The following MYH15 variants were observed in gnomAD, a reference collection of about 807,000 sequenced individuals.
MYH15 encodes the protein myosin-15.
MYH15 carries 227 observed loss-of-function variants against 240.5 expected under a neutral mutation model. The ratio of observed to expected loss-of-function variants is 0.94; its 90% CI spans 0.85 to 1.05. The LOEUF (loss-of-function observed/expected upper bound fraction) is 1.05. Among genes scored for constraint, MYH15 ranks in the 50% least tolerant of loss-of-function variants. The pLI, the probability that MYH15 is intolerant of heterozygous loss-of-function variation, is 0.00. For missense variants in MYH15, 2,217 were observed against 2,247.5 expected, an observed-to-expected ratio of 0.99 and a Z score of 0.27; for synonymous variants, 785 against 796.7, an observed-to-expected ratio of 0.99 and a Z score of 0.25.
rs556209274 is a variant in MYH15, at chr3:108,417,982, A to C, written c.3830-1052T>G. Among the ~76,000 whole-genome samples, 3 of 152,350 alleles carry C rather than the reference A, an allele frequency of 2.0e-5. No homozygotes were observed. The South Asian group carries it at 6.2e-4, about 32-fold the overall frequency. ...TCCAAGAGTTGAGAGCCATCAACCT[A>C]ATGATGGCATATACATGTTTTCTAA... On this transcript the variant is annotated intron_variant, in intron 28 of 40. Coordinates refer to ENST00000693548, the MANE Select transcript of MYH15 (RefSeq NM_014981.3).
At chr3:108,545,155 T>C in the MYH15 span, among the ~76,000 whole-genome samples, 1 of 152,140 alleles carries the variant, frequency 6.6e-6, no homozygotes, top group Non-Finnish European at 1.5e-5. Context: ...AATTTACCAC[T>C]GCTTATAATT....
chr3:108,493,340 GA>G, intron 7 of MYH15, among the ~76,000 whole-genome samples, 163 bp from the exon 8 acceptor site: 1 of 151,850 alleles, frequency 6.6e-6, no homozygotes, highest in African/African-American at 2.4e-5. Context: ...GAAAAGAAGA[GA>G]AAAATGCAAT....
intron 1 of MYH15, among the ~76,000 whole-genome samples, chr3:108,521,559 A>G (rs2083617950): frequency 6.6e-6 from 1 of 152,196 alleles, no homozygotes; most frequent in East Asian, 1.9e-4. Context: ...GAAGCCTATT[A>G]CAACAGCATT....
At chr3:108,474,872 G>A (rs529490299) in intron 12 of MYH15, among the ~76,000 whole-genome samples, 5 of 152,204 alleles carry the variant, frequency 3.3e-5, no homozygotes, top group African/African-American at 9.6e-5. Context: ...GAGCACTTAC[G>A]GCTTACAGGG....
At position 108,430,858 on chromosome 3, in the gene MYH15, G is replaced by A; in HGVS notation, c.3286C>T (p.Leu1096Phe). 6.2e-7 allele frequency: 1 copy of A among 1,612,122 alleles called. No individual in the cohort carries two copies. Among genetic ancestry groups the A allele is most frequent in the Non-Finnish European group, 8.5e-7 (1 of 1,179,568 alleles). ...TGAAGCTCTTTAACCGTCTTCTGAAGCTGAGCTACCAGGCCTTTCTCATTC... is the reference window on the plus strand; with the variant it reads ...TGAAGCTCTTTAACCGTCTTCTGAAACTGAGCTACCAGGCCTTTCTCATTC... Reference protein sequence around the residue: ...VENEKGLVAQLQKTVKELQTQ... With the variant: ...VENEKGLVAQFQKTVKELQTQ... Residue 1096 changes from leucine to phenylalanine, a missense_variant, in exon 26 of 41, where the codon CTT becomes TTT. Leu to Phe is a conservative substitution (Grantham distance 22). Coordinates refer to ENST00000693548, the MANE Select transcript of MYH15 (RefSeq NM_014981.3).
chr3:108,458,800 A>T (rs2083046303), intron 18 of MYH15, among the ~76,000 whole-genome samples: 1 of 152,000 alleles, frequency 6.6e-6, no homozygotes. Context: ...TCCCCCTACC[A>T]CTATTCACTG....
chr3:108,453,932 G>T, intron 21 of MYH15, 74 bp downstream of exon 21: 1 of 1,452,296 alleles, frequency 6.9e-7, no homozygotes, highest in Non-Finnish European at 9.4e-7. Context: ...CTACTATAAG[G>T]CAATGAGATT....
intron 25 of MYH15, among the ~76,000 whole-genome samples, chr3:108,433,578 C>T (rs553050235): frequency 6.6e-6 from 1 of 152,096 alleles, no homozygotes; most frequent in African/African-American, 2.4e-5. Context: ...GGGAGGGAAC[C>T]TGTGGGAGGT....
the MYH15 span, among the ~76,000 whole-genome samples, chr3:108,542,213 G>T: frequency 6.6e-6 from 1 of 151,948 alleles, no homozygotes; most frequent in African/African-American, 2.4e-5. Flanking sequence ...TTACATCTTG[G>T]ATTACTGACA....
chr3:108,431,124 A>C (rs1024644083), intron 25 of MYH15, among the ~76,000 whole-genome samples: 10 of 152,234 alleles, frequency 6.6e-5, no homozygotes, highest in African/African-American at 2.4e-4. Context: ...CAATTATTAT[A>C]TATCAATAAA....
chr3:108,412,884 C>T (rs1423110472), intron 30 of MYH15, among the ~76,000 whole-genome samples: 2 of 152,144 alleles, frequency 1.3e-5, no homozygotes, highest in African/African-American at 4.8e-5. Context: ...GCCTACCTCC[C>T]TGAGGTGATT....
At chr3:108,529,141 T>C (rs1033779918) in intron 1 of MYH15, 2 of 809,974 alleles carry the variant, frequency 2.5e-6, no homozygotes, top group Admixed American at 5.9e-5. Flanking sequence ...ATTTTTATAC[T>C]ATCATGTAGT....
chr3:108,437,371 G>T (rs970929481), intron 25 of MYH15, among the ~76,000 whole-genome samples, 183 bp downstream of exon 25: 3 of 151,282 alleles, frequency 2.0e-5, no homozygotes, highest in South Asian at 2.1e-4. Context: ...TATGCATCTG[G>T]TCTCTTTACA....
chr3:108,489,556 G>T (rs547298315), intron 9 of MYH15, among the ~76,000 whole-genome samples: 2 of 152,216 alleles, frequency 1.3e-5, no homozygotes, highest in South Asian at 4.1e-4. Context: ...GGAGTGAAGG[G>T]GTGCTCATGG....
At position 108,416,919 on chromosome 3, in the gene MYH15, G is replaced by T; in HGVS notation, c.3841C>A (p.Arg1281=). The T allele has an allele frequency of 6.2e-7, 1 of 1,611,920 alleles. No homozygotes were observed. Among genetic ancestry groups the T allele is most frequent in the Non-Finnish European group, 8.5e-7 (1 of 1,178,294 alleles). ...AGAGCCTCCTTCTCTTCAAGCCTCC[G>T]TAGGAACTCGCCTACAGAAAGATTT... is the stretch of plus-strand genomic sequence containing the variant. ...KLWSESGEFL[R]RLEEKEALIN... Residue 1281 remains arginine (R), a synonymous_variant, in exon 29 of 41, where the codon CGG becomes AGG. Transcript: ENST00000693548.
chr3:108,529,343 G>T, upstream of MYH15: 1 of 1,282,634 alleles, frequency 7.8e-7, no homozygotes, highest in Non-Finnish European at 1.1e-6. Flanking sequence ...AGGATCCGAT[G>T]AGAGAATGAT....
chr3:108,394,193 A>G (rs746181413), intron 35 of MYH15, 37 bp from the exon 36 acceptor site: 2 of 1,612,128 alleles, frequency 1.2e-6, no homozygotes, highest in Admixed American at 3.3e-5. Context: ...GCAAGTAAAA[A>G]CCAGCAATGC....
chr3:108,424,604 T>C (rs554093128), intron 27 of MYH15, among the ~76,000 whole-genome samples: 1 of 152,308 alleles, frequency 6.6e-6, no homozygotes, highest in Admixed American at 6.5e-5. Flanking sequence ...ATAATCAAGA[T>C]AATTGTGAAA....
chr3:108,480,248 T>C (rs2083256191), intron 11 of MYH15, among the ~76,000 whole-genome samples: 2 of 152,146 alleles, frequency 1.3e-5, no homozygotes, highest in African/African-American at 4.8e-5. Context: ...ACAAGAGTTT[T>C]TGTAGGCAAA....
Sources: allele counts gnomAD v4.1 joint callset (sites outside exome capture counted in the v4.1 genomes callset), GRCh38; gene constraint gnomAD v4.1.1; transcripts MANE v1.5; gene names NCBI Gene and HGNC (gene_info 2026-07-23, HGNC 2026-07-21).